The following DLGAP2 variants were observed in gnomAD, a reference collection of about 807,000 sequenced individuals.
DLGAP2 encodes the protein disks large-associated protein 2.
Under a neutral mutation model 100.3 loss-of-function variants are expected in DLGAP2, and 26 were observed. The observed-to-expected ratio is 0.26, with a 90% CI of 0.19 to 0.36. The LOEUF is 0.36. DLGAP2 is among the 10% of genes least tolerant of loss of function. The pLI is 1.00. For missense variants in DLGAP2, 1,858 were observed against 1,453.2 expected (o/e 1.28, Z -4.53); for synonymous variants, 886 against 630.1 (o/e 1.41, Z -6.08).
intron 2 of DLGAP2, among the ~76,000 whole-genome samples, chr8:1,190,911 A>G (rs1030454061): frequency 6.6e-6 from 1 of 152,064 alleles, no homozygotes; most frequent in Non-Finnish European, 1.5e-5. Flanking sequence ...TTTATGCACC[A>G]TGCTTCTCCT....
chr8:1,573,412 T>C (rs935057788), intron 6 of DLGAP2, among the ~76,000 whole-genome samples: 6 of 141,868 alleles, frequency 4.2e-5, no homozygotes, highest in African/African-American at 8.1e-5. Context: ...TGTGGGGGCG[T>C]CTGATGAGAT....
At chr8:1,230,142 C>G (rs973709075) in intron 2 of DLGAP2, among the ~76,000 whole-genome samples, 1 of 152,134 alleles carries the variant, frequency 6.6e-6, no homozygotes, top group Non-Finnish European at 1.5e-5. Context: ...GCTCCTGGAA[C>G]TGATAAAGAA....
intron 1 of DLGAP2, among the ~76,000 whole-genome samples, chr8:871,451 T>C (rs1797597092): frequency 6.6e-6 from 1 of 152,230 alleles, no homozygotes; most frequent in Admixed American, 6.5e-5. Flanking sequence ...TTTTCCTACA[T>C]GTTTCTTCAT....
At chr8:1,388,242 A>T in intron 3 of DLGAP2, among the ~76,000 whole-genome samples, 1 of 46,632 alleles carries the variant, frequency 2.1e-5, no homozygotes, top group East Asian at 8.4e-4. Context: ...TCAGGGCTGT[A>T]AGAGGCAGAG....
chr8:1,283,762 A>G (rs1210200044), intron 3 of DLGAP2, among the ~76,000 whole-genome samples: 1 of 152,238 alleles, frequency 6.6e-6, no homozygotes, highest in Non-Finnish European at 1.5e-5. Context: ...GTAAATATTC[A>G]GAAAAAGCTT....
At chr8:1,107,108 G>C (rs746102672) in intron 2 of DLGAP2, among the ~76,000 whole-genome samples, 8 of 152,184 alleles carry the variant, frequency 5.3e-5, no homozygotes, top group Non-Finnish European at 8.8e-5. Flanking sequence ...TCACCTGCGG[G>C]CGGTATCACA....
At chr8:1,078,930 T>A (rs1803710601) in intron 2 of DLGAP2, among the ~76,000 whole-genome samples, 2 of 152,214 alleles carry the variant, frequency 1.3e-5, no homozygotes, top group Admixed American at 1.3e-4. Context: ...AGGAGTACAG[T>A]TACTGGATTG....
intron 2 of DLGAP2, among the ~76,000 whole-genome samples, chr8:958,828 A>C (rs11998233): frequency 6.6e-6 from 1 of 152,226 alleles, no homozygotes; most frequent in Non-Finnish European, 1.5e-5. Flanking sequence ...CAGGATCTAC[A>C]GGAAAAGATT....
chr8:914,134 C>A (rs1035589233), intron 2 of DLGAP2, among the ~76,000 whole-genome samples: 5 of 152,230 alleles, frequency 3.3e-5, no homozygotes, highest in Non-Finnish European at 7.3e-5. Context: ...TTTTCTCTTT[C>A]CAAAAAGCAC....
chr8:1,511,073 T>A (rs1433668846), intron 4 of DLGAP2, among the ~76,000 whole-genome samples: 1 of 152,264 alleles, frequency 6.6e-6, no homozygotes, highest in Non-Finnish European at 1.5e-5. Context: ...TTTCTTATAA[T>A]ACAAGCATCG....
chr8:1,364,956 A>T (rs1410202525), intron 3 of DLGAP2, among the ~76,000 whole-genome samples: 7 of 152,220 alleles, frequency 4.6e-5, no homozygotes, highest in Non-Finnish European at 8.8e-5. Flanking sequence ...GAGACTGGGC[A>T]CAGGGCCCCA....
intron 3 of DLGAP2, among the ~76,000 whole-genome samples, chr8:1,353,154 C>T (rs1801774172): frequency 6.6e-6 from 1 of 152,166 alleles, no homozygotes; most frequent in African/African-American, 2.4e-5. Context: ...CTTCCCACAC[C>T]CACGTGTGCT....
At chr8:822,161 G>C (rs906611167) in intron 1 of DLGAP2, 13 of 399,498 alleles carry the variant, frequency 3.3e-5, no homozygotes, top group African/African-American at 2.5e-4. Flanking sequence ...CCCTCTGCCT[G>C]CGCCCAGCCC....
intron 6 of DLGAP2, among the ~76,000 whole-genome samples, chr8:1,567,253 A>C (rs1443566646): frequency 6.6e-6 from 1 of 152,202 alleles, no homozygotes; most frequent in African/African-American, 2.4e-5. Flanking sequence ...CCCACCTTTT[A>C]TTTGGCACAC....
chr8:1,275,763 A>C (rs1395811363), intron 3 of DLGAP2, among the ~76,000 whole-genome samples: 3 of 132,640 alleles, frequency 2.3e-5, no homozygotes, highest in African/African-American at 8.5e-5. Flanking sequence ...AATATATAAA[A>C]ATATATATTA....
rs537539237 is a variant in DLGAP2 at position 957,102 on chromosome 8, G to C, written c.73+49136G>C. On this transcript the variant is annotated intron_variant, in intron 2 of 14. Transcript: ENST00000637795. ...CATTTGCAAAGATGTGGGAGAGGAG[G>C]TTTTCTTAAAGAATCAGAGTCAGTT... Among the ~76,000 whole-genome samples, 4 of 152,228 alleles carry C rather than the reference G, an allele frequency of 2.6e-5. No individual in the cohort carries two copies. The East Asian group carries it at 7.7e-4, about 29-fold the overall frequency.
intron 8 of DLGAP2, among the ~76,000 whole-genome samples, chr8:1,659,612 T>C (rs1175524655): frequency 1.3e-5 from 2 of 152,170 alleles, no homozygotes; most frequent in Non-Finnish European, 2.9e-5. Context: ...TTCTTTGTCT[T>C]TTTTTATCTT....
chr8:1,326,680 C>T (rs1801030506), intron 3 of DLGAP2, among the ~76,000 whole-genome samples: 1 of 152,240 alleles, frequency 6.6e-6, no homozygotes, highest in African/African-American at 2.4e-5. Context: ...GTCAAGTGAA[C>T]AGGAGCTTTC....
At chr8:1,342,248 G>A (rs1182151052) in intron 3 of DLGAP2, among the ~76,000 whole-genome samples, 1 of 152,120 alleles carries the variant, frequency 6.6e-6, no homozygotes, top group Non-Finnish European at 1.5e-5. Flanking sequence ...CACCTGGCCA[G>A]GTTGTGAGGT....
Sources: allele counts gnomAD v4.1 joint callset (sites outside exome capture counted in the v4.1 genomes callset), GRCh38; gene constraint gnomAD v4.1.1; transcripts MANE v1.5; gene names NCBI Gene and HGNC (gene_info 2026-07-23, HGNC 2026-07-21).